AASDH: variants seen among roughly 807,000 people sequenced by gnomAD.
AASDH encodes the protein beta-alanine-activating enzyme.
A neutral mutation model predicts 102.3 loss-of-function variants in AASDH; 81 were observed. The ratio of observed to expected loss-of-function variants is 0.79; its 90% CI spans 0.66 to 0.95. The LOEUF is 0.95. Among genes scored for constraint, AASDH ranks in the 40% least tolerant of loss-of-function variants. The pLI is 0.00. For synonymous variants in AASDH, 398 were observed against 454.0 expected, an observed-to-expected ratio of 0.88 and a Z score of 1.57; for missense variants, 1,203 against 1,266.2, an observed-to-expected ratio of 0.95 and a Z score of 0.76.
At chr4:56,352,095 T>G (rs1191967889) in intron 9 of AASDH, among the ~76,000 whole-genome samples, 3 of 152,136 alleles carry the variant, frequency 2.0e-5, no homozygotes, top group Non-Finnish European at 4.4e-5. Context: ...AGATTATATA[T>G]TTTGAAGTCA....
chr4:56,372,332 C>A (rs1190732383), intron 4 of AASDH, among the ~76,000 whole-genome samples: 1 of 152,154 alleles, frequency 6.6e-6, no homozygotes, highest in Admixed American at 6.5e-5. Context: ...TTGTGTAAAC[C>A]AATTTCTTAT....
intron 5 of AASDH, among the ~76,000 whole-genome samples, chr4:56,365,950 C>T (rs577077402): frequency 8.3e-4 from 126 of 151,984 alleles, no homozygotes; most frequent in African/African-American, 3.0e-3. Context: ...TTGAAAAGAT[C>T]AACAAAATTG....
At chr4:56,381,649 T>TCTCACACACACACA (rs3223650) in intron 3 of AASDH, 5,592 of 142,254 alleles carry the variant, frequency 0.039, 210 homozygotes, top group East Asian at 0.17. Context: ...TTGACACTTC[T>TCTCACACACACACA]CACACACACA....
chr4:56,367,714 A>G (rs962665697), intron 5 of AASDH, among the ~76,000 whole-genome samples: 13 of 147,214 alleles, frequency 8.8e-5, no homozygotes, highest in Non-Finnish European at 1.8e-4. Flanking sequence ...TACAAAAATT[A>G]ATTCAAGATG....
rs1751709839 is a variant in AASDH at position 56,371,553 on chromosome 4, T to C, written c.759A>G (p.Leu253=). Residue 253 remains leucine, a synonymous_variant, in exon 5 of 15, where the codon CTA becomes CTG. Coordinates refer to ENST00000205214, the MANE Select transcript of AASDH (RefSeq NM_181806.4). ...DPSVVEIFLA[L]SSGASLLIVP... is the part of the protein sequence containing the mutation. ...CAATAAGCAGAGAGGCACCACTTGA[T>C]AGAGCAAGAAATATTTCCACAACAG... 1.9e-6 allele frequency: 3 copies of C among 1,613,360 alleles called. No homozygotes were observed.
chr4:56,340,269 A>AT (rs1747501489), intron 14 of AASDH, among the ~76,000 whole-genome samples: 1 of 152,244 alleles, frequency 6.6e-6, no homozygotes, highest in Admixed American at 6.5e-5. Flanking sequence ...GAGGCATCAC[A>AT]GTAACTGACT....
chr4:56,339,292 C>T (rs909460498), intron 14 of AASDH, among the ~76,000 whole-genome samples: 3 of 151,784 alleles, frequency 2.0e-5, no homozygotes, highest in East Asian at 2.0e-4. Flanking sequence ...TAGCTAGGCG[C>T]GTGCCACCAC....
chr4:56,348,767 C>G (rs1748621103), intron 11 of AASDH, among the ~76,000 whole-genome samples: 1 of 152,128 alleles, frequency 6.6e-6, no homozygotes, highest in African/African-American at 2.4e-5. Flanking sequence ...CAGCAAAGAA[C>G]TGAGGCTTTC....
chr4:56,364,785 C>G (rs997711045), intron 5 of AASDH, among the ~76,000 whole-genome samples: 2 of 152,164 alleles, frequency 1.3e-5, no homozygotes, highest in Non-Finnish European at 2.9e-5. Flanking sequence ...TAAAGACCAT[C>G]AAGCCTAGGA....
chr4:56,369,155 C>G (rs1323720207), intron 5 of AASDH, among the ~76,000 whole-genome samples: 1 of 152,272 alleles, frequency 6.6e-6, no homozygotes, highest in East Asian at 1.9e-4. Context: ...ATCAGTTTCT[C>G]AGAAAAATTT....
chr4:56,340,404 C>A (rs191810726), intron 14 of AASDH, among the ~76,000 whole-genome samples: 5 of 152,186 alleles, frequency 3.3e-5, no homozygotes, highest in African/African-American at 1.2e-4. Flanking sequence ...AGAAAGATGT[C>A]AAAAATACAC....
chr4:56,345,493 T>C (rs1479448538), intron 11 of AASDH, among the ~76,000 whole-genome samples: 2 of 152,230 alleles, frequency 1.3e-5, no homozygotes, highest in East Asian at 3.8e-4. Context: ...TAGGTGTATC[T>C]TATCTTTTAA....
intron 2 of AASDH, among the ~76,000 whole-genome samples, chr4:56,382,836 G>C (rs1983377): frequency 0.53 from 80,747 of 152,052 alleles, 21,728 homozygotes; most frequent in Admixed American, 0.63. Context: ...TTGGGAGGTT[G>C]AGGCGAGCGA....
At chr4:56,345,906 T>C (rs1748277732) in intron 11 of AASDH, among the ~76,000 whole-genome samples, 3 of 152,204 alleles carry the variant, frequency 2.0e-5, no homozygotes, top group Admixed American at 2.0e-4. Context: ...GATAACAAAA[T>C]TGAAGCACAG....
At chr4:56,387,196 G>T (rs905741176) in intron 1 of AASDH, among the ~76,000 whole-genome samples, 166 bp downstream of exon 1, 1 of 152,160 alleles carries the variant, frequency 6.6e-6, no homozygotes, top group African/African-American at 2.4e-5. Flanking sequence ...CACAGGTCAG[G>T]GTTAGTCTGC....
At chr4:56,385,816 G>C (rs556930009) in intron 1 of AASDH, among the ~76,000 whole-genome samples, 1 of 152,006 alleles carries the variant, frequency 6.6e-6, no homozygotes, top group Non-Finnish European at 1.5e-5. Context: ...CTCCATGTTG[G>C]CCAGGTTGGT....
chr4:56,341,382 CTT>C, intron 14 of AASDH, among the ~76,000 whole-genome samples: 1 of 100,998 alleles, frequency 9.9e-6, no homozygotes, highest in African/African-American at 3.5e-5. Context: ...GAACTGGAGA[CTT>C]TTATCTTTTT....
intron 12 of AASDH, among the ~76,000 whole-genome samples, chr4:56,344,852 C>T (rs1748129995): frequency 1.3e-5 from 2 of 152,042 alleles, no homozygotes; most frequent in Admixed American, 6.6e-5. Flanking sequence ...GGCTCAACTA[C>T]ACCTGACAGT....
intron 3 of AASDH, among the ~76,000 whole-genome samples, chr4:56,381,072 A>G (rs771576073): frequency 1.1e-4 from 17 of 152,120 alleles, no homozygotes; most frequent in Non-Finnish European, 2.5e-4. Flanking sequence ...GCTATGTCCA[A>G]CTCCTACTGG....
Sources: gnomAD v4.1 joint callset for allele counts (sites outside exome capture counted in the v4.1 genomes callset) on GRCh38, gnomAD v4.1.1 for gene constraint, MANE v1.5 for transcripts, NCBI Gene and HGNC (gene_info 2026-07-23, HGNC 2026-07-21) for gene names.